LRP1B: variants seen among roughly 807,000 people sequenced by gnomAD.
LRP1B encodes the protein LDL receptor related protein 1B, also known as low-density lipoprotein receptor-related protein 1B.
A neutral mutation model predicts 556.6 loss-of-function variants in LRP1B; 217 were observed. The ratio of observed to expected loss-of-function variants is 0.39; its 90% CI spans 0.35 to 0.44. LRP1B has a LOEUF of 0.44. LRP1B is among the 20% of genes least tolerant of loss of function. LRP1B has a pLI of 1.00. For missense variants in LRP1B, 5,053 were observed against 5,620.8 expected, an observed-to-expected ratio of 0.90 and a Z score of 3.23; for synonymous variants, 2,047 against 1,865.8, an observed-to-expected ratio of 1.10 and a Z score of -2.50.
intron 7 of LRP1B, among the ~76,000 whole-genome samples, chr2:141,181,837 T>G (rs1485652561): frequency 1.3e-5 from 2 of 151,502 alleles, no homozygotes; most frequent in African/African-American, 4.9e-5. Flanking sequence ...GAGAAGAATT[T>G]GGAAAGAAGT....
intron 20 of LRP1B, among the ~76,000 whole-genome samples, chr2:140,940,208 C>T (rs566109511): frequency 2.3e-4 from 35 of 151,956 alleles, no homozygotes; most frequent in Non-Finnish European, 4.7e-4. Context: ...TTGTTACAAA[C>T]ATTTCTGAAT....
At chr2:140,511,741 T>C (rs1689671485) in intron 51 of LRP1B, among the ~76,000 whole-genome samples, 1 of 152,210 alleles carries the variant, frequency 6.6e-6, no homozygotes, top group South Asian at 2.1e-4. Flanking sequence ...TTTAATAGAA[T>C]GGAGTTTAAC....
intron 2 of LRP1B, among the ~76,000 whole-genome samples, chr2:141,561,518 T>G (rs1376034501): frequency 6.6e-6 from 1 of 151,818 alleles, no homozygotes; most frequent in African/African-American, 2.4e-5. Flanking sequence ...ATATCCCCAT[T>G]TATTACCTTT....
At position 140,701,864 on chromosome 2, in the gene LRP1B, T is replaced by C. The variant is rs780219762; in HGVS notation, c.6303-19A>G. On this transcript the variant is annotated intron_variant, in intron 39 of 90. Coordinates refer to ENST00000389484, the MANE Select transcript of LRP1B (RefSeq NM_018557.3). ...ATGTGCTCTGCCAAAAAGTTGAACA[T>C]ACATGATCAACAATCTTCGACTAAT... The C allele has an allele frequency of 8.1e-6, 13 of 1,612,212 alleles. No homozygotes were observed. Among genetic ancestry groups the C allele is most frequent in the Non-Finnish European group, 1.0e-5 (12 of 1,179,110 alleles).
intron 3 of LRP1B, among the ~76,000 whole-genome samples, chr2:141,464,602 A>ATT (rs1327185759): frequency 5.4e-5 from 4 of 73,440 alleles, no homozygotes; most frequent in East Asian, 2.8e-4. Flanking sequence ...ATATATATAT[A>ATT]TATATTTTTT....
chr2:140,752,332 T>TTC (rs1472342683), intron 35 of LRP1B, among the ~76,000 whole-genome samples: 1 of 133,202 alleles, frequency 7.5e-6, no homozygotes, highest in African/African-American at 2.7e-5. Flanking sequence ...CTTTTTTTTT[T>TTC]TTTTTTTAAT....
At chr2:141,331,585 A>C (rs1006593771) in intron 3 of LRP1B, among the ~76,000 whole-genome samples, 1 of 124,466 alleles carries the variant, frequency 8.0e-6, no homozygotes, top group East Asian at 2.0e-4. Context: ...TTCTAATCTT[A>C]TAAAGAGACT....
intron 3 of LRP1B, among the ~76,000 whole-genome samples, chr2:141,258,229 T>C (rs1043688821): frequency 6.6e-6 from 1 of 152,212 alleles, no homozygotes; most frequent in Non-Finnish European, 1.5e-5. Flanking sequence ...CTCACACTTA[T>C]AATCCTAGCA....
At chr2:140,787,558 A>ATTTTTTTTTTTTTTTTTTTTTTT (rs756825067) in intron 32 of LRP1B, among the ~76,000 whole-genome samples, 1 of 44,628 alleles carries the variant, frequency 2.2e-5, no homozygotes, top group East Asian at 8.7e-4. Context: ...AAAACAGAAG[A>ATTTTTTTTTTTTTTTTTTTTTTT]TTTTTTTTTT....
chr2:140,891,992 A>T (rs1252386687), intron 23 of LRP1B, among the ~76,000 whole-genome samples: 4 of 152,010 alleles, frequency 2.6e-5, no homozygotes, highest in Non-Finnish European at 5.9e-5. Flanking sequence ...TGTGTGTGTG[A>T]GAGGCAGAGT....
chr2:140,331,195 C>A (rs1375630886), intron 79 of LRP1B, among the ~76,000 whole-genome samples: 1 of 151,938 alleles, frequency 6.6e-6, no homozygotes, highest in Admixed American at 6.6e-5. Flanking sequence ...TGATAGACTG[C>A]ATAAAGAAAA....
At chr2:141,943,048 T>C (rs1335784463) in intron 1 of LRP1B, among the ~76,000 whole-genome samples, 1 of 152,184 alleles carries the variant, frequency 6.6e-6, no homozygotes, top group Admixed American at 6.5e-5. Context: ...AATAAGAAAA[T>C]ATTGAGTATA....
intron 15 of LRP1B, among the ~76,000 whole-genome samples, chr2:141,000,913 T>TG (rs1438301442): frequency 1.5e-4 from 1 of 6,536 alleles, no homozygotes; most frequent in Non-Finnish European, 4.4e-4. Context: ...TCAATATCTT[T>TG]CCTATATCAA....
intron 1 of LRP1B, among the ~76,000 whole-genome samples, chr2:142,030,413 T>A (rs916746817): frequency 2.6e-5 from 4 of 151,944 alleles, no homozygotes; most frequent in African/African-American, 9.7e-5. Context: ...TATTTAGTAA[T>A]GATTTTCATC....
chr2:141,202,451 C>T (rs1240912173), intron 6 of LRP1B, among the ~76,000 whole-genome samples: 3 of 152,084 alleles, frequency 2.0e-5, no homozygotes, highest in Non-Finnish European at 2.9e-5. Context: ...ATTGCTGGGT[C>T]GAATGGTAGT....
chr2:141,949,774 C>T (rs1424792418), intron 1 of LRP1B, among the ~76,000 whole-genome samples: 1 of 152,168 alleles, frequency 6.6e-6, no homozygotes, highest in Admixed American at 6.6e-5. Flanking sequence ...AGAGTAAAAA[C>T]AAACAAATGG....
At chr2:141,660,332 C>T (rs913703885) in intron 2 of LRP1B, among the ~76,000 whole-genome samples, 3 of 152,088 alleles carry the variant, frequency 2.0e-5, no homozygotes, top group Admixed American at 1.3e-4. Flanking sequence ...AGCAGATCTC[C>T]TCATGAGCCC....
At chr2:140,367,199 T>G (rs1384913655) in intron 71 of LRP1B, among the ~76,000 whole-genome samples, 1 of 151,712 alleles carries the variant, frequency 6.6e-6, no homozygotes. Flanking sequence ...GGTAACAGAT[T>G]TGAGAGAGTT....
intron 10 of LRP1B, among the ~76,000 whole-genome samples, chr2:141,049,477 A>G (rs1698974277): frequency 6.6e-6 from 1 of 152,132 alleles, no homozygotes; most frequent in Non-Finnish European, 1.5e-5. Flanking sequence ...TGGATAGCAA[A>G]AACATGACAG....
Sources: allele counts gnomAD v4.1 joint callset (sites outside exome capture counted in the v4.1 genomes callset), GRCh38; gene constraint gnomAD v4.1.1; transcripts MANE v1.5; gene names NCBI Gene and HGNC (gene_info 2026-07-23, HGNC 2026-07-21).